Variants in LRRC49 observed in about 807,000 individuals in gnomAD.
LRRC49 encodes leucine-rich repeat-containing protein 49.
In LRRC49, 50 loss-of-function variants were observed where a neutral mutation model predicts 83.3. That is an observed-to-expected ratio of 0.60 (90% CI 0.48 to 0.76). LRRC49 has a LOEUF of 0.76. LRRC49 is among the 30% of genes least tolerant of loss of function. LRRC49 has a pLI of 0.00. For missense variants in LRRC49, 704 were observed against 809.1 expected (o/e 0.87, Z 1.58); for synonymous variants, 286 against 283.3 (o/e 1.01, Z -0.10).
intron 11 of LRRC49, among the ~76,000 whole-genome samples, chr15:70,991,152 C>T (rs1438561559): frequency 6.6e-6 from 1 of 152,188 alleles, no homozygotes; most frequent in Non-Finnish European, 1.5e-5. Context: ...TGGCTCACAA[C>T]CTCTTTTCTT....
At chr15:70,931,585 C>T (rs754125757) in intron 7 of LRRC49, among the ~76,000 whole-genome samples, 5 of 152,108 alleles carry the variant, frequency 3.3e-5, no homozygotes, top group Middle Eastern at 3.4e-3. Context: ...CATAATTAAA[C>T]GAGGCATGCA....
intron 9 of LRRC49, among the ~76,000 whole-genome samples, chr15:70,970,770 A>C (rs138781643): frequency 2.6e-5 from 4 of 152,138 alleles, no homozygotes; most frequent in African/African-American, 9.6e-5. Context: ...GTTTATTTGC[A>C]TAGAGGTGTT....
chr15:70,879,920 A>T (rs2033229426), intron 2 of LRRC49, among the ~76,000 whole-genome samples: 1 of 152,228 alleles, frequency 6.6e-6, no homozygotes, highest in African/African-American at 2.4e-5. Context: ...CAATCATAAG[A>T]ACACATTTAA....
intron 14 of LRRC49, among the ~76,000 whole-genome samples, chr15:71,024,625 G>C (rs557503285): frequency 6.6e-4 from 100 of 150,988 alleles, no homozygotes; most frequent in Admixed American, 1.5e-3. Context: ...AAAGATCGAA[G>C]ATAAATTAAC....
chr15:70,989,101 A>G (rs562751848), intron 11 of LRRC49, among the ~76,000 whole-genome samples: 16 of 152,198 alleles, frequency 1.1e-4, no homozygotes, highest in East Asian at 1.9e-4. Flanking sequence ...TGGTGAATCT[A>G]ACAATTATGT....
chr15:70,935,945 G>A lies in LRRC49; in HGVS notation c.712-816G>A, dbSNP rs897932826. On this transcript the variant is annotated intron_variant, in intron 7 of 15. Transcript: ENST00000260382. ...GTTGTAGACTTGGTAATTACCAAGCGTCTGTAAGATTCTGTTACTCCATTA... is the reference window on the plus strand; with the variant it reads ...GTTGTAGACTTGGTAATTACCAAGCATCTGTAAGATTCTGTTACTCCATTA... Among the ~76,000 whole-genome samples, 14 of 152,186 alleles carry A rather than the reference G, an allele frequency of 9.2e-5. No individual in the cohort carries two copies. The East Asian group carries it at 1.2e-3, about 13-fold the overall frequency.
chr15:70,994,328 A>C (rs957481930), intron 11 of LRRC49, among the ~76,000 whole-genome samples: 1 of 152,066 alleles, frequency 6.6e-6, no homozygotes, highest in Admixed American at 6.6e-5. Flanking sequence ...CATTTCACTT[A>C]TCTGTTTTAA....
intron 8 of LRRC49, 78 bp downstream of exon 8, chr15:70,936,900 T>A: frequency 1.1e-6 from 1 of 899,180 alleles, no homozygotes. Flanking sequence ...AGATTGTAAA[T>A]ACCTTGGAGA....
chr15:71,005,031 TTAAAA>T (rs1040794867), intron 11 of LRRC49, among the ~76,000 whole-genome samples: 52 of 152,132 alleles, frequency 3.4e-4, no homozygotes, highest in African/African-American at 1.1e-3. Flanking sequence ...ACCTCTGAAC[TTAAAA>T]TAAGAGTTAA....
chr15:70,928,132 C>T (rs953968709), intron 7 of LRRC49, among the ~76,000 whole-genome samples: 15 of 152,016 alleles, frequency 9.9e-5, no homozygotes, highest in African/African-American at 3.4e-4. Flanking sequence ...TTTCTGGACC[C>T]TCTATTCTGT....
chr15:70,980,170 C>T lies in LRRC49; in HGVS notation c.991C>T (p.Gln331Ter). The T allele has an allele frequency of 1.9e-6, 3 of 1,611,384 alleles. No individual in the cohort carries two copies. Among genetic ancestry groups the T allele is most frequent in the Non-Finnish European group, 2.5e-6 (3 of 1,178,534 alleles). ...EEEKKRESHK[Q>*]SLLKEKKRLT... Reference sequence around the variant, plus strand: ...AGAGAAGAAGCGGGAAAGTCATAAACAATCTTTGCTTAAGGTATTTTCTCT... The same window carrying T: ...AGAGAAGAAGCGGGAAAGTCATAAATAATCTTTGCTTAAGGTATTTTCTCT... The change falls in exon 10 of 16, where the codon CAA becomes TAA. Residue 331 changes from glutamine to a stop codon, truncating the protein, a stop_gained. Transcript: ENST00000260382. LOFTEE classifies it high-confidence loss of function.
Position 70,878,077 on chromosome 15 carries a change from G to C in LRRC49, c.18+4854G>C, listed in dbSNP as rs984796887. ...GAACCCGGGAGGCAGAGTTTGCAGG[G>C]AGCCGAGCTTGCAACAAGCCAGGAT... is the stretch of plus-strand genomic sequence containing the variant. On this transcript the variant is annotated intron_variant, in intron 2 of 16. Coordinates refer to the LRRC49 transcript ENST00000544974. Among the ~76,000 whole-genome samples the C allele has an allele frequency of 5.3e-5, 8 of 152,256 alleles. No homozygotes were observed. The East Asian group carries it at 1.5e-3, about 29-fold the overall frequency.
At chr15:70,882,568 G>A in intron 2 of LRRC49, 5 of 1,613,978 alleles carry the variant, frequency 3.1e-6, no homozygotes, top group Non-Finnish European at 4.2e-6. Context: ...CAAAGAGAGA[G>A]GAAGTTCTAG....
In LRRC49 at chr15:71,010,809, GA is replaced by G. The variant is rs912267904; in HGVS notation, c.1593+827del. Among the ~76,000 whole-genome samples, 508 of 146,780 alleles carry G rather than the reference GA, an allele frequency of 3.5e-3. 3 individuals carry two copies. The highest frequency in any genetic ancestry group is 0.011 in the African/African-American group (455 of 40,212). On this transcript the variant is annotated intron_variant, in intron 13 of 15. Transcript: ENST00000260382. ...ACTAAATTTAAACACTCCTCCAGAG[GA>G]AAAAAAAAACATCTTTAATATGTTG...
intron 3 of LRRC49, among the ~76,000 whole-genome samples, chr15:70,898,949 G>A (rs1022093409): frequency 1.3e-4 from 19 of 151,908 alleles, no homozygotes; most frequent in Admixed American, 1.1e-3. Flanking sequence ...GGATCTCTCT[G>A]GTTCCCAGTT....
chr15:70,994,519 G>T (rs976231673), intron 11 of LRRC49, among the ~76,000 whole-genome samples: 10 of 152,150 alleles, frequency 6.6e-5, no homozygotes, highest in Non-Finnish European at 1.5e-4. Context: ...CTGTCTCCCA[G>T]GCTGAAGTGC....
At chr15:70,905,588 C>T (rs2034272427) in intron 5 of LRRC49, among the ~76,000 whole-genome samples, 1 of 152,178 alleles carries the variant, frequency 6.6e-6, no homozygotes, top group Admixed American at 6.5e-5. Flanking sequence ...TTTAATACAA[C>T]TTTTACATGA....
At chr15:70,992,166 C>A (rs1363140011) in intron 11 of LRRC49, among the ~76,000 whole-genome samples, 2 of 152,186 alleles carry the variant, frequency 1.3e-5, no homozygotes, top group Non-Finnish European at 2.9e-5. Context: ...TCCATCAGGT[C>A]ATTTAAGGAC....
chr15:70,948,694 A>G (rs1481421305), intron 8 of LRRC49, among the ~76,000 whole-genome samples: 1 of 152,058 alleles, frequency 6.6e-6, no homozygotes, highest in Non-Finnish European at 1.5e-5. Context: ...TTGCAGTCCT[A>G]GCTCTGGAAT....
Sources: gnomAD v4.1 joint callset for allele counts (sites outside exome capture counted in the v4.1 genomes callset) on GRCh38, gnomAD v4.1.1 for gene constraint, MANE v1.5 for transcripts, NCBI Gene and HGNC (gene_info 2026-07-23, HGNC 2026-07-21) for gene names.